The following AMY2B variants were observed in gnomAD, a reference collection of about 807,000 sequenced individuals.
The protein encoded by AMY2B is alpha-amylase 2B.
A neutral mutation model predicts 59.3 loss-of-function variants in AMY2B; 63 were observed. That is an observed-to-expected ratio of 1.06 (90% CI 0.87 to 1.31). The LOEUF (loss-of-function observed/expected upper bound fraction) is 1.31, where lower values mean the gene tolerates loss of function less well. AMY2B is among the 50% of genes most tolerant of loss of function. The pLI, the probability that AMY2B is intolerant of heterozygous loss-of-function variation, is 0.00. For missense variants in AMY2B, 635 were observed against 626.7 expected, an observed-to-expected ratio of 1.01 and a Z score of -0.14; for synonymous variants, 180 against 198.1, an observed-to-expected ratio of 0.91 and a Z score of 0.77.
At chr1:103,571,349 CATT>C, upstream of AMY2B, 1 of 999,230 alleles carries the variant, frequency 1.0e-6, no homozygotes, top group East Asian at 2.9e-5. Context: ...AGCAATATAT[CATT>C]GTGTATGGAA....
chr1:103,575,048 G>T, intron 5 of AMY2B, among the ~76,000 whole-genome samples, 175 bp from the exon 6 acceptor site: 1 of 121,422 alleles, frequency 8.2e-6, no homozygotes, highest in Non-Finnish European at 1.7e-5. Context: ...GTGTGTGTTT[G>T]TGTGTGTGTA....
chr1:103,569,257 CACACACACACAGAGTCTATATATACAT>C (rs1219387894), upstream of AMY2B: 2 of 151,518 alleles, frequency 1.3e-5, no homozygotes, highest in Admixed American at 6.6e-5. Context: ...TACACACACG[CACACACACACAGAGTCTATATATACAT>C]ACACACACAC....
intron 4 of AMY2B, 136 bp from the exon 5 acceptor site, chr1:103,574,124 A>G (rs1184465071): frequency 3.4e-6 from 5 of 1,477,824 alleles, no homozygotes; most frequent in Non-Finnish European, 4.5e-6. Context: ...AACAAGACAA[A>G]AAGAAATAAT....
At chr1:103,578,032 A>C (rs1027803477) in intron 9 of AMY2B, among the ~76,000 whole-genome samples, 187 bp downstream of exon 9, 7 of 152,158 alleles carry the variant, frequency 4.6e-5, no homozygotes, top group Non-Finnish European at 7.4e-5. Flanking sequence ...CTCCTGTTTT[A>C]TTAAGGGCTT....
chr1:103,561,568 G>A (rs11184461), intron 1 of AMY2B, among the ~76,000 whole-genome samples: 13,836 of 151,750 alleles, frequency 0.091, 677 homozygotes, highest in Middle Eastern at 0.22. Flanking sequence ...TATGCCAATC[G>A]GGTCTTTAAG....
chr1:103,577,690 T>C (rs200126893), intron 8 of AMY2B, 30 bp from the exon 9 acceptor site: 306 of 1,611,736 alleles, frequency 1.9e-4, no homozygotes, highest in Non-Finnish European at 2.2e-4. Flanking sequence ...TTTAAGAATA[T>C]CAACGTTTTA....
chr1:103,558,552 G>T (rs1479228747), intron 1 of AMY2B, among the ~76,000 whole-genome samples: 1 of 152,008 alleles, frequency 6.6e-6, no homozygotes, highest in East Asian at 1.9e-4. Context: ...AGTATTAAAA[G>T]ATATTTCAGT....
intron 9 of AMY2B, among the ~76,000 whole-genome samples, chr1:103,578,243 T>C (rs898232749): frequency 2.0e-5 from 3 of 152,220 alleles, no homozygotes; most frequent in Admixed American, 6.5e-5. Context: ...AATATATCTT[T>C]ATTTCTAACT....
At chr1:103,554,697 C>G (rs1651490293), upstream of AMY2B, 1 of 152,476 alleles carries the variant, frequency 6.6e-6, no homozygotes, top group South Asian at 2.1e-4. Flanking sequence ...ATATTAATAA[C>G]TAGGAAAATA....
chr1:103,574,748 ATATAT>A (rs1189878594), intron 5 of AMY2B, among the ~76,000 whole-genome samples: 5 of 151,882 alleles, frequency 3.3e-5, no homozygotes, highest in African/African-American at 7.2e-5. Context: ...TAGAATTTAC[ATATAT>A]TATATGAATT....
chr1:103,561,993 A>T (rs895457336), intron 1 of AMY2B: 8 of 152,202 alleles, frequency 5.3e-5, no homozygotes, highest in Non-Finnish European at 2.9e-5. Flanking sequence ...TTTTTTTCCA[A>T]CTGAAGAAAA....
upstream of AMY2B, chr1:103,571,417 A>T: frequency 1.3e-5 from 17 of 1,319,868 alleles, no homozygotes; most frequent in Non-Finnish European, 1.8e-5. Context: ...GGTCATTTAG[A>T]TGATTTCCAT....
At chr1:103,570,572 C>T (rs547965495), upstream of AMY2B, 150 of 597,436 alleles carry the variant, frequency 2.5e-4, 1 homozygote, top group Middle Eastern at 2.6e-3. Flanking sequence ...TGTGGATCAG[C>T]GGCTCCATCC....
chr1:103,575,346 G>A lies in AMY2B; in HGVS notation c.1001+1G>A, dbSNP rs1286217466. 3.1e-6 allele frequency: 5 copies of A among 1,613,192 alleles called. No homozygotes were observed. The highest frequency in any genetic ancestry group is 1.1e-5 in the South Asian group (1 of 91,004). Reference sequence around the variant, plus strand: ...CTATTCTTACCTTCTGGGATGCTAGGTAGAAAACCAAGTTCTCTATTTTTT... The same window carrying A: ...CTATTCTTACCTTCTGGGATGCTAGATAGAAAACCAAGTTCTCTATTTTTT... On this transcript the variant is annotated splice_donor_variant, in intron 6 of 9. Transcript: ENST00000684275. LOFTEE classifies it high-confidence loss of function.
At chr1:103,559,354 C>T (rs915348785) in intron 1 of AMY2B, among the ~76,000 whole-genome samples, 2 of 152,084 alleles carry the variant, frequency 1.3e-5, no homozygotes, top group African/African-American at 4.8e-5. Context: ...ATAGGCTATG[C>T]CATCTACGTT....
At chr1:103,571,343 A>C (rs1652122880), upstream of AMY2B, 1 of 967,636 alleles carries the variant, frequency 1.0e-6, no homozygotes, top group Non-Finnish European at 1.5e-6. Flanking sequence ...GGCCCCAGCA[A>C]TATATCATTG....
At chr1:103,566,265 G>A (rs1038153532) in intron 2 of AMY2B, among the ~76,000 whole-genome samples, 7 of 152,038 alleles carry the variant, frequency 4.6e-5, no homozygotes, top group African/African-American at 7.2e-5. Flanking sequence ...TTAAAACTAT[G>A]TTCATATCTT....
intron 1 of AMY2B, among the ~76,000 whole-genome samples, chr1:103,557,224 A>G (rs930508839): frequency 1.3e-5 from 2 of 152,172 alleles, no homozygotes; most frequent in South Asian, 4.1e-4. Flanking sequence ...CAGGAAATAT[A>G]TACCCTGTAC....
At chr1:103,559,034 A>T (rs561862829) in intron 1 of AMY2B, among the ~76,000 whole-genome samples, 2 of 152,342 alleles carry the variant, frequency 1.3e-5, no homozygotes, top group African/African-American at 2.4e-5. Context: ...ACTACATTGT[A>T]TATAAAAGAC....
Sources: gnomAD v4.1 joint callset for allele counts (sites outside exome capture counted in the v4.1 genomes callset) on GRCh38, gnomAD v4.1.1 for gene constraint, MANE v1.5 for transcripts, NCBI Gene and HGNC (gene_info 2026-07-23, HGNC 2026-07-21) for gene names.